Variants in SORCS1 observed in about 807,000 individuals in gnomAD.
The protein encoded by SORCS1 is sortilin related VPS10 domain containing receptor 1.
Under a neutral mutation model 146.1 loss-of-function variants are expected in SORCS1, and 60 were observed. The observed-to-expected ratio is 0.41, with a 90% CI of 0.33 to 0.51. The LOEUF is 0.51. SORCS1 is among the 20% of genes least tolerant of loss of function. SORCS1 has a pLI of 0.21. For missense variants in SORCS1, 1,352 were observed against 1,487.6 expected, an observed-to-expected ratio of 0.91 and a Z score of 1.50; for synonymous variants, 637 against 584.0, an observed-to-expected ratio of 1.09 and a Z score of -1.31.
At chr10:106,625,425 T>C (rs542864943) in intron 19 of SORCS1, among the ~76,000 whole-genome samples, 9 of 152,340 alleles carry the variant, frequency 5.9e-5, no homozygotes, top group Non-Finnish European at 1.3e-4. Context: ...CAAATTTCAC[T>C]GTACGTTAAA....
chr10:107,144,210 C>T (rs1968101618), intron 1 of SORCS1, among the ~76,000 whole-genome samples: 1 of 152,192 alleles, frequency 6.6e-6, no homozygotes, highest in South Asian at 2.1e-4. Flanking sequence ...CCTTACTCCA[C>T]TCCCATTTGG....
At chr10:107,165,322 T>TGTGTGTGTGTGTGTGTG (rs1970016923), upstream of SORCS1, among the ~76,000 whole-genome samples, 8 of 150,598 alleles carry the variant, frequency 5.3e-5, no homozygotes, top group African/African-American at 1.7e-4. The surrounding 1 kb of genome is among the most constrained non-coding windows in gnomAD (Gnocchi z 4.0). Flanking sequence ...TGTGTGTGTG[T>TGTGTGTGTGTGTGTGTG]TAGTTTGGGG....
At chr10:106,823,443 G>T (rs1472857925) in intron 3 of SORCS1, among the ~76,000 whole-genome samples, 3 of 152,166 alleles carry the variant, frequency 2.0e-5, no homozygotes, top group Admixed American at 6.5e-5. Context: ...TTAGAGAAAA[G>T]AAAGGAGTCA....
intron 1 of SORCS1, among the ~76,000 whole-genome samples, chr10:107,019,767 G>A (rs1246148832): frequency 6.6e-6 from 1 of 152,206 alleles, no homozygotes; most frequent in Admixed American, 6.5e-5. Context: ...CGTGCACTTC[G>A]TGAGGTGTGC....
At chr10:107,012,579 T>G (rs955485117) in intron 1 of SORCS1, among the ~76,000 whole-genome samples, 1 of 152,214 alleles carries the variant, frequency 6.6e-6, no homozygotes, top group Non-Finnish European at 1.5e-5. Context: ...ATGAAGAGGT[T>G]AAGGAACCTG....
intron 17 of SORCS1, among the ~76,000 whole-genome samples, chr10:106,654,947 C>T (rs558635838): frequency 2.6e-5 from 4 of 152,218 alleles, no homozygotes; most frequent in African/African-American, 9.6e-5. Flanking sequence ...GCTTCCACCT[C>T]CTGGGTTCAA....
Position 106,631,843 on chromosome 10 carries a change from G to A in SORCS1, c.2476-2455C>T, listed in dbSNP as rs117067255. Among the ~76,000 whole-genome samples the A allele has an allele frequency of 7.8e-4, 119 of 152,200 alleles. 5 individuals carry two copies. In the East Asian group the frequency reaches 0.018, roughly 23 times the overall value. On this transcript the variant is annotated intron_variant, in intron 18 of 25. Coordinates refer to ENST00000263054, the MANE Select transcript of SORCS1 (RefSeq NM_052918.5). ...TTCATCACTTCCATTTTGTTGTCCT[G>A]GATCAAGACCAGTTACATAAAAACC...
At chr10:106,923,859 T>C (rs1402613465) in intron 2 of SORCS1, among the ~76,000 whole-genome samples, 1 of 152,262 alleles carries the variant, frequency 6.6e-6, no homozygotes, top group Non-Finnish European at 1.5e-5. Context: ...TGAGTTGTAA[T>C]AGTGCTTGTA....
intron 5 of SORCS1, among the ~76,000 whole-genome samples, chr10:106,748,187 G>A (rs746740571): frequency 1.3e-5 from 2 of 151,992 alleles, no homozygotes; most frequent in Non-Finnish European, 2.9e-5. Context: ...ACAAATAGAA[G>A]GTTTGTGGCA....
chr10:106,665,378 T>TTC (rs759329310), intron 17 of SORCS1, among the ~76,000 whole-genome samples: 56 of 150,038 alleles, frequency 3.7e-4, no homozygotes, highest in South Asian at 8.5e-4. Context: ...CCCTTTTTTT[T>TTC]TCTCTCTCTC....
intron 1 of SORCS1, among the ~76,000 whole-genome samples, chr10:107,049,246 A>G (rs1384804859): frequency 7.8e-6 from 1 of 128,708 alleles, no homozygotes; most frequent in African/African-American, 3.0e-5. Flanking sequence ...AGGAAGGGGA[A>G]CATCACACTC....
At chr10:106,626,156 G>A (rs1161559166) in intron 19 of SORCS1, among the ~76,000 whole-genome samples, 1 of 152,126 alleles carries the variant, frequency 6.6e-6, no homozygotes, top group Admixed American at 6.5e-5. Context: ...TGGTCGGAAT[G>A]TGTATGTGAG....
chr10:106,705,103 AAAAAAAAC>A (rs1043028805), intron 8 of SORCS1, among the ~76,000 whole-genome samples: 3 of 152,190 alleles, frequency 2.0e-5, no homozygotes, highest in Non-Finnish European at 4.4e-5. Flanking sequence ...TACTGGAGAA[AAAAAAAAC>A]AAACACTTAA....
At chr10:106,856,080 G>T (rs1949776431) in intron 2 of SORCS1, among the ~76,000 whole-genome samples, 2 of 150,340 alleles carry the variant, frequency 1.3e-5, no homozygotes, top group South Asian at 4.2e-4. Flanking sequence ...ATTCTGGAGT[G>T]CCGTGGTGCA....
intron 1 of SORCS1, among the ~76,000 whole-genome samples, chr10:107,016,173 T>C (rs141438764): frequency 1.4e-3 from 206 of 152,252 alleles, no homozygotes; most frequent in African/African-American, 3.9e-3. Flanking sequence ...TGGAAGAACA[T>C]AGAACTCAGA....
At chr10:106,706,329 G>C (rs1854526027) in intron 8 of SORCS1, among the ~76,000 whole-genome samples, 1 of 151,608 alleles carries the variant, frequency 6.6e-6, no homozygotes, top group Admixed American at 6.6e-5. Context: ...GAAAGGAAGA[G>C]AGAGAGAGAA....
chr10:106,968,044 GAAAA>G (rs34595773), intron 1 of SORCS1, among the ~76,000 whole-genome samples: 1 of 127,902 alleles, frequency 7.8e-6, no homozygotes, highest in South Asian at 2.6e-4. Context: ...CTCTACTAAA[GAAAA>G]AAAAAAAAAA....
At chr10:106,786,767 T>C (rs1321515691) in intron 3 of SORCS1, among the ~76,000 whole-genome samples, 2 of 152,174 alleles carry the variant, frequency 1.3e-5, no homozygotes, top group Admixed American at 1.3e-4. Flanking sequence ...TTTTTAAAAA[T>C]AGATATGATA....
chr10:106,819,907 C>A (rs1050742407), intron 3 of SORCS1, among the ~76,000 whole-genome samples: 2 of 152,132 alleles, frequency 1.3e-5, no homozygotes, highest in African/African-American at 4.8e-5. Context: ...TTTATTATTT[C>A]TTTTTCTTCT....
Sources: allele counts gnomAD v4.1 joint callset (sites outside exome capture counted in the v4.1 genomes callset), GRCh38; gene constraint gnomAD v4.1.1; non-coding constraint Gnocchi (gnomAD v3.1); transcripts MANE v1.5; gene names NCBI Gene and HGNC (gene_info 2026-07-23, HGNC 2026-07-21).